The following SORCS1 variants were observed in gnomAD, a reference collection of about 807,000 sequenced individuals.
The protein encoded by SORCS1 is VPS10 domain-containing receptor SorCS1.
A neutral mutation model predicts 146.1 loss-of-function variants in SORCS1; 60 were observed. The ratio of observed to expected loss-of-function variants is 0.41; its 90% CI spans 0.33 to 0.51. The LOEUF (loss-of-function observed/expected upper bound fraction) is 0.51, where lower values mean the gene tolerates loss of function less well. Ranked by LOEUF, SORCS1 falls within the 20% of genes least tolerant of loss-of-function variation. The pLI, the probability that SORCS1 is intolerant of heterozygous loss-of-function variation, is 0.21. For missense variants in SORCS1, 1,352 were observed against 1,487.6 expected (o/e 0.91, Z 1.50); for synonymous variants, 637 against 584.0 (o/e 1.09, Z -1.31).
intron 1 of SORCS1, among the ~76,000 whole-genome samples, chr10:107,135,770 C>T (rs933163050): frequency 1.2e-4 from 19 of 152,114 alleles, no homozygotes; most frequent in African/African-American, 4.6e-4. Context: ...AAGTGCCTGG[C>T]CAGTAGGAGA....
intron 1 of SORCS1, among the ~76,000 whole-genome samples, chr10:106,999,544 G>C (rs1428039125): frequency 1.3e-5 from 2 of 152,184 alleles, no homozygotes; most frequent in East Asian, 3.8e-4. Flanking sequence ...CAGGATTCTG[G>C]AGTTCAGGGT....
intron 1 of SORCS1, among the ~76,000 whole-genome samples, chr10:106,984,005 A>G (rs564382754): frequency 6.6e-6 from 1 of 152,372 alleles, no homozygotes; most frequent in East Asian, 1.9e-4. Context: ...AAGAAAAGCC[A>G]GTTATTAAAA....
At position 106,776,627 on chromosome 10, in the gene SORCS1, A is replaced by T. The variant is rs1860455222; in HGVS notation, c.792T>A (p.Thr264=). The change falls in exon 4 of 26, where the codon ACT becomes ACA. Residue 264 remains threonine, a synonymous_variant. Coordinates refer to ENST00000263054, the MANE Select transcript of SORCS1 (RefSeq NM_052918.5). The stretch of plus-strand genomic sequence containing the variant: ...AGAAGTTCAGCCGGTACTTTTGATA[A>T]GTTGCCCCTTCATCTGAGCTGATCA... ...SLLISSDEGA[T]YQKYRLNFYI... 5 of 1,614,002 alleles carry T rather than the reference A, an allele frequency of 3.1e-6. No homozygotes were observed. The highest frequency in any genetic ancestry group is 4.2e-6 in the Non-Finnish European group (5 of 1,179,968).
chr10:106,726,902 C>T (rs183656032), intron 6 of SORCS1, among the ~76,000 whole-genome samples: 171 of 151,930 alleles, frequency 1.1e-3, no homozygotes, highest in African/African-American at 3.9e-3. Context: ...CTGGCTAACA[C>T]GGTGAAACCC....
intron 1 of SORCS1, among the ~76,000 whole-genome samples, chr10:107,027,125 T>C (rs572060839): frequency 1.7e-4 from 25 of 150,346 alleles, no homozygotes; most frequent in Non-Finnish European, 2.7e-4. Flanking sequence ...GGAATGGTCC[T>C]GTAACTTCTC....
intron 9 of SORCS1, 55 bp from the exon 10 acceptor site, chr10:106,688,393 G>A (rs1409239078): frequency 6.4e-7 from 1 of 1,568,920 alleles, no homozygotes; most frequent in East Asian, 2.3e-5. Context: ...GGATATATTT[G>A]TTTACTTTTT....
chr10:106,612,035 A>G lies in SORCS1; in HGVS notation c.2921-12T>C, dbSNP rs1244401430. On this transcript the variant is annotated splice_polypyrimidine_tract_variant and intron_variant, in intron 21 of 25. Coordinates refer to ENST00000263054, the MANE Select transcript of SORCS1 (RefSeq NM_052918.5). Reference sequence around the variant, plus strand: ...AGACCGGAATTCCTCTGGGGATATAACAGTAGATGGAGTACTATAAGTCAA... The same window carrying G: ...AGACCGGAATTCCTCTGGGGATATAGCAGTAGATGGAGTACTATAAGTCAA... The G allele has an allele frequency of 6.3e-7, 1 of 1,593,992 alleles. No homozygotes were observed. Among genetic ancestry groups the G allele is most frequent in the Admixed American group, 1.7e-5 (1 of 60,000 alleles).
At chr10:107,084,534 G>C (rs533300585) in intron 1 of SORCS1, among the ~76,000 whole-genome samples, 1 of 151,842 alleles carries the variant, frequency 6.6e-6, no homozygotes, top group Admixed American at 6.6e-5. Context: ...GAGAAAAGAG[G>C]GGAGAGAGAA....
At chr10:106,904,300 T>TA (rs1369761769) in intron 2 of SORCS1, among the ~76,000 whole-genome samples, 3 of 152,246 alleles carry the variant, frequency 2.0e-5, no homozygotes, top group Non-Finnish European at 4.4e-5. Context: ...TCGTGTTTTT[T>TA]ATGGTCATTG....
At chr10:106,719,843 G>A (rs917516977) in intron 6 of SORCS1, among the ~76,000 whole-genome samples, 12 of 152,244 alleles carry the variant, frequency 7.9e-5, no homozygotes, top group Admixed American at 2.6e-4. Context: ...CAGATGACAC[G>A]TTTGCCCGCC....
intron 5 of SORCS1, among the ~76,000 whole-genome samples, chr10:106,741,890 G>A (rs1004906513): frequency 3.3e-5 from 5 of 152,128 alleles, no homozygotes; most frequent in African/African-American, 7.2e-5. Flanking sequence ...GTTTTTACAC[G>A]GACAGCTCAG....
chr10:106,735,216 G>C (rs1314575543), intron 5 of SORCS1, among the ~76,000 whole-genome samples: 4 of 151,160 alleles, frequency 2.6e-5, no homozygotes, highest in Admixed American at 6.6e-5. Context: ...CAAAATTATT[G>C]ATTGTCATAA....
chr10:107,145,081 A>G (rs1300808368), intron 1 of SORCS1, among the ~76,000 whole-genome samples: 2 of 152,158 alleles, frequency 1.3e-5, no homozygotes, highest in East Asian at 3.9e-4. Context: ...GGAGGTGTAA[A>G]AGCATTTATA....
intron 2 of SORCS1, among the ~76,000 whole-genome samples, chr10:106,955,356 C>G (rs1024442033): frequency 9.2e-5 from 14 of 152,244 alleles, no homozygotes; most frequent in African/African-American, 3.4e-4. Context: ...AGAGCCAATG[C>G]TGGAGCTGCC....
rs542155238 is a variant in SORCS1 at position 106,784,033 on chromosome 10, T to A, written c.727-7341A>T. Among the ~76,000 whole-genome samples the A allele has an allele frequency of 2.3e-3, 353 of 152,188 alleles. 1 individual carries two copies. Among genetic ancestry groups the A allele is most frequent in the Non-Finnish European group, 3.9e-3 (266 of 68,014 alleles). The stretch of plus-strand genomic sequence containing the variant: ...ACTGGAGAAATTGCTATTATTAATA[T>A]CATATGAGGTGACAGTGCAGAATAT... On this transcript the variant is annotated intron_variant, in intron 3 of 25. Transcript: ENST00000263054.
intron 2 of SORCS1, among the ~76,000 whole-genome samples, chr10:106,889,290 C>T (rs56290156): frequency 0.079 from 12,080 of 152,122 alleles, 1,374 homozygotes; most frequent in African/African-American, 0.25. Context: ...CTTTTCAGCA[C>T]AGCACCAAGG....
chr10:106,989,449 A>C (rs946899189), intron 1 of SORCS1, among the ~76,000 whole-genome samples: 1 of 151,804 alleles, frequency 6.6e-6, no homozygotes, highest in African/African-American at 2.4e-5. Flanking sequence ...TTCAAGCATG[A>C]TCTGTTCCTT....
At chr10:106,601,535 G>C (rs759749015) in intron 23 of SORCS1, among the ~76,000 whole-genome samples, 2 of 152,154 alleles carry the variant, frequency 1.3e-5, no homozygotes, top group Non-Finnish European at 2.9e-5. Context: ...GGATGTCTTG[G>C]GAGGGACCTG....
At chr10:106,725,731 G>T (rs1190515136) in intron 6 of SORCS1, among the ~76,000 whole-genome samples, 1 of 151,762 alleles carries the variant, frequency 6.6e-6, no homozygotes, top group African/African-American at 2.4e-5. Context: ...AGGAGTTCGA[G>T]AGCAGCCTAG....
Sources: gnomAD v4.1 joint callset for allele counts (sites outside exome capture counted in the v4.1 genomes callset) on GRCh38, gnomAD v4.1.1 for gene constraint, MANE v1.5 for transcripts, NCBI Gene and HGNC (gene_info 2026-07-23, HGNC 2026-07-21) for gene names.